MTERF3: variants seen among roughly 807,000 people sequenced by gnomAD.
MTERF3 encodes the protein transcription termination factor 3, mitochondrial.
Under a neutral mutation model 40.5 loss-of-function variants are expected in MTERF3, and 40 were observed. The observed-to-expected ratio is 0.99, with a 90% CI of 0.77 to 1.29. MTERF3 has a LOEUF of 1.29. Among genes scored for constraint, MTERF3 ranks in the 50% most tolerant of loss-of-function variants. The probability of loss-of-function intolerance (pLI) is 0.00; values close to 1 mark genes in which losing one functional copy is unlikely to be tolerated. For missense variants in MTERF3, 452 were observed against 478.2 expected (o/e 0.95, Z 0.51); for synonymous variants, 158 against 166.6 (o/e 0.95, Z 0.40).
chr8:96,260,050 G>A, intron 1 of MTERF3: 1 of 152,040 alleles, frequency 6.6e-6, no homozygotes. Flanking sequence ...GATTACCCAC[G>A]CCCGCTACTA....
At position 96,251,022 on chromosome 8, in the gene MTERF3, G is replaced by A; in HGVS notation, c.561C>T (p.Asp187=). 1 of 1,604,838 alleles carries A rather than the reference G, an allele frequency of 6.2e-7. No individual in the cohort carries two copies. ...TAAGAAACAGAAGCATTTGCTTAATGTCTTTTTCAAAATCCAGTCTCAGAA... is the reference window on the plus strand; with the variant it reads ...TAAGAAACAGAAGCATTTGCTTAATATCTTTTTCAAAATCCAGTCTCAGAA... ...NLLLRLDFEK[D]IKQMLLFLKD... is the part of the protein sequence containing the mutation. Residue 187 remains aspartate (D), a synonymous_variant, in exon 4 of 8, where the codon GAC becomes GAT. Transcript: ENST00000287025.
At chr8:96,240,574 G>A (rs1209309585) in intron 7 of MTERF3, among the ~76,000 whole-genome samples, 1 of 152,146 alleles carries the variant, frequency 6.6e-6, no homozygotes, top group Non-Finnish European at 1.5e-5. Context: ...AAAAACTAGA[G>A]TAAGCGGCAG....
At chr8:96,255,366 C>T (rs1198273299) in intron 3 of MTERF3, among the ~76,000 whole-genome samples, 7 of 152,114 alleles carry the variant, frequency 4.6e-5, no homozygotes, top group African/African-American at 1.2e-4. Context: ...AGGCCGAGTG[C>T]GGTGGCTCAT....
In MTERF3 at chr8:96,250,923, A is replaced by T. The variant is rs1220741326; in HGVS notation, c.660T>A (p.Leu220=). The T allele has an allele frequency of 6.2e-7, 1 of 1,607,826 alleles. No individual in the cohort carries two copies. Among genetic ancestry groups the T allele is most frequent in the Non-Finnish European group, 8.5e-7 (1 of 1,178,568 alleles). Residue 220 remains leucine, a synonymous_variant, in exon 4 of 8, where the codon CTT becomes CTA. Transcript: ENST00000287025. The part of the protein sequence containing the change: ...TKNHAIFSED[L]ENLKTRVAYL... ...AGTCCTACCTGGTCTTCAGATTTTCAAGGTCTTCAGAGAAAATTGCATGAT... is the reference window on the plus strand; with the variant it reads ...AGTCCTACCTGGTCTTCAGATTTTCTAGGTCTTCAGAGAAAATTGCATGAT...
rs533971532 is a variant in MTERF3, at chr8:96,243,421, A to G, written c.1059+498T>C. Among the ~76,000 whole-genome samples the G allele has an allele frequency of 1.1e-3, 167 of 152,326 alleles. 1 individual carries two copies. Among genetic ancestry groups the G allele is most frequent in the Non-Finnish European group, 1.8e-3 (124 of 68,014 alleles). ...AATCAGACAAAGTTTCTGCTTTTAA[A>G]GAGTCAATATTCAAGATTAATATTC... On this transcript the variant is annotated intron_variant, in intron 7 of 7. Transcript: ENST00000287025.
rs180894260 is a variant in MTERF3, at chr8:96,247,058, C to T, written c.678-604G>A. Among the ~76,000 whole-genome samples, 326 of 152,174 alleles carry T rather than the reference C, an allele frequency of 2.1e-3. 1 individual carries two copies. Among genetic ancestry groups the T allele is most frequent in the African/African-American group, 7.5e-3 (310 of 41,512 alleles). On this transcript the variant is annotated intron_variant, in intron 4 of 7. Coordinates refer to ENST00000287025, the MANE Select transcript of MTERF3 (RefSeq NM_015942.5). ...CATGATCTGGGCTCAATGCAACCTCCGCCTCCCAGGTTCAAGTGACTCTCC... is the reference window on the plus strand; with the variant it reads ...CATGATCTGGGCTCAATGCAACCTCTGCCTCCCAGGTTCAAGTGACTCTCC...
intron 1 of MTERF3, among the ~76,000 whole-genome samples, chr8:96,260,952 G>A (rs1341968321): frequency 6.6e-6 from 1 of 152,214 alleles, no homozygotes; most frequent in Non-Finnish European, 1.5e-5. Context: ...GCAAAAGCGG[G>A]TAGGGGATGT....
At chr8:96,259,220 C>G (rs1396960219) in intron 1 of MTERF3, among the ~76,000 whole-genome samples, 2 of 152,208 alleles carry the variant, frequency 1.3e-5, no homozygotes, top group African/African-American at 4.8e-5. Context: ...CTAAACAAAT[C>G]ATCAAAATAT....
chr8:96,252,970 C>T (rs760364127), intron 3 of MTERF3, among the ~76,000 whole-genome samples: 9 of 152,142 alleles, frequency 5.9e-5, no homozygotes, highest in Non-Finnish European at 1.3e-4. Flanking sequence ...CCTGAATGCC[C>T]ACTATGGACC....
At position 96,258,468 on chromosome 8, in the gene MTERF3, AG is replaced by A; in HGVS notation, c.222del (p.Ser75GlnfsTer17). ...GCAGAATTATTCTCCTGACTACTTG[AG>A]CTAGTAGACTGGGAACTATTCCATA... ...SSLWNSSQST[S>X]SSSQENNSAQ... On this transcript the variant is annotated frameshift_variant, in exon 2 of 8. Coordinates refer to ENST00000287025, the MANE Select transcript of MTERF3 (RefSeq NM_015942.5). LOFTEE classifies it high-confidence loss of function. The A allele has an allele frequency of 6.2e-7, 1 of 1,614,110 alleles. No individual in the cohort carries two copies. Among genetic ancestry groups the A allele is most frequent in the Non-Finnish European group, 8.5e-7 (1 of 1,179,950 alleles).
At chr8:96,254,622 C>T (rs906575435) in intron 3 of MTERF3, among the ~76,000 whole-genome samples, 6 of 152,182 alleles carry the variant, frequency 3.9e-5, no homozygotes, top group Non-Finnish European at 7.3e-5. Flanking sequence ...TATAAATATA[C>T]CACATTTTCT....
chr8:96,247,780 C>T (rs1001531467), intron 4 of MTERF3, among the ~76,000 whole-genome samples: 4 of 151,916 alleles, frequency 2.6e-5, no homozygotes, highest in African/African-American at 4.8e-5. Context: ...AACAAAAACA[C>T]CCCACTATAA....
At chr8:96,258,750 A>G in intron 1 of MTERF3, 50 bp from the exon 2 acceptor site, 1 of 1,368,422 alleles carries the variant, frequency 7.3e-7, no homozygotes, top group Admixed American at 2.3e-5. Context: ...TAATTTACTT[A>G]AATGTTTAAA....
At chr8:96,255,195 C>T (rs1177788813) in intron 3 of MTERF3, among the ~76,000 whole-genome samples, 3 of 152,140 alleles carry the variant, frequency 2.0e-5, no homozygotes, top group African/African-American at 7.2e-5. Context: ...ATAGGAGGCT[C>T]CTGCAGCCAC....
chr8:96,256,870 C>T, intron 3 of MTERF3, 92 bp downstream of exon 3: 1 of 1,144,882 alleles, frequency 8.7e-7, no homozygotes, highest in Admixed American at 3.0e-5. Context: ...TGTTTGTATA[C>T]TACTTAGTAT....
intron 2 of MTERF3, 192 bp downstream of exon 2, chr8:96,258,165 C>A: frequency 1.2e-6 from 1 of 831,024 alleles, no homozygotes; most frequent in Non-Finnish European, 1.5e-6. Flanking sequence ...TAATCTTACA[C>A]GTTAGCCCAC....
chr8:96,240,179 C>T (rs551773197), intron 7 of MTERF3, among the ~76,000 whole-genome samples: 26 of 150,966 alleles, frequency 1.7e-4, no homozygotes, highest in South Asian at 6.3e-4. Flanking sequence ...ACCCAGGAGA[C>T]GGAGGTTGCA....
chr8:96,257,510 C>T (rs10095443), intron 2 of MTERF3, among the ~76,000 whole-genome samples: 71,507 of 151,918 alleles, frequency 0.47, 17,349 homozygotes, highest in African/African-American at 0.54. Flanking sequence ...AATCATATCC[C>T]GAAAGTCTTT....
Position 96,250,909 on chromosome 8 carries a change from G to A in MTERF3, c.674C>T (p.Thr225Ile). 1.2e-6 allele frequency: 2 copies of A among 1,603,010 alleles called. No individual in the cohort carries two copies. Among genetic ancestry groups the A allele is most frequent in the Non-Finnish European group, 8.5e-7 (1 of 1,177,472 alleles). The change falls in exon 4 of 8, where the codon ACC becomes ATC. Residue 225 changes from threonine (T) to isoleucine (I), a missense_variant. Physicochemically the swap from Thr to Ile is moderately conservative, Grantham distance 89. Transcript: ENST00000287025. ...AGAATCCTTTTAAAAGTCCTACCTG[G>A]TCTTCAGATTTTCAAGGTCTTCAGA... is the stretch of plus-strand genomic sequence containing the variant. ...IFSEDLENLKTRVAYLHSKNF... is the reference protein window; with the variant it reads ...IFSEDLENLKIRVAYLHSKNF...
Sources: allele counts gnomAD v4.1 joint callset (sites outside exome capture counted in the v4.1 genomes callset), GRCh38; gene constraint gnomAD v4.1.1; transcripts MANE v1.5; gene names NCBI Gene and HGNC (gene_info 2026-07-23, HGNC 2026-07-21).